The following GRM8 variants were observed in gnomAD, a reference collection of about 807,000 sequenced individuals.
GRM8 encodes the protein glutamate metabotropic receptor 8.
A neutral mutation model predicts 87.2 loss-of-function variants in GRM8; 47 were observed. The ratio of observed to expected loss-of-function variants is 0.54; its 90% CI spans 0.43 to 0.69. The LOEUF (loss-of-function observed/expected upper bound fraction) is 0.69, where lower values mean the gene tolerates loss of function less well. Among genes scored for constraint, GRM8 ranks in the 30% least tolerant of loss-of-function variants. GRM8 has a pLI of 0.00. For missense variants in GRM8, 1,019 were observed against 1,139.2 expected, an observed-to-expected ratio of 0.89 and a Z score of 1.52; for synonymous variants, 396 against 404.5, an observed-to-expected ratio of 0.98 and a Z score of 0.25.
At chr7:126,768,149 T>C (rs762565416) in intron 7 of GRM8, among the ~76,000 whole-genome samples, 5 of 152,026 alleles carry the variant, frequency 3.3e-5, no homozygotes, top group Non-Finnish European at 7.4e-5. Context: ...ATGTCCACTA[T>C]TATAAACTCT....
intron 2 of GRM8, among the ~76,000 whole-genome samples, chr7:127,201,056 T>A (rs1795559761): frequency 6.6e-6 from 1 of 152,224 alleles, no homozygotes; most frequent in African/African-American, 2.4e-5. Flanking sequence ...GTTGATATTG[T>A]GCTTTATATT....
intron 6 of GRM8, among the ~76,000 whole-genome samples, chr7:126,799,118 G>A (rs1445206049): frequency 2.6e-5 from 4 of 152,056 alleles, no homozygotes; most frequent in Non-Finnish European, 5.9e-5. Context: ...CTTGCTGCCC[G>A]AAGTGTGATC....
chr7:127,172,657 G>A (rs990250523), intron 2 of GRM8, among the ~76,000 whole-genome samples: 34 of 150,788 alleles, frequency 2.3e-4, no homozygotes, highest in Middle Eastern at 3.2e-3. Context: ...GCAGTGAGCC[G>A]AGATCATGCC....
intron 9 of GRM8, among the ~76,000 whole-genome samples, chr7:126,484,033 T>C (rs1354962894): frequency 1.3e-5 from 2 of 152,072 alleles, no homozygotes; most frequent in Non-Finnish European, 2.9e-5. Flanking sequence ...TGCTTCATAA[T>C]AATTACCCTA....
rs562445974 is a variant in GRM8 at position 126,799,994 on chromosome 7, T to C, written c.1157-29929A>G. Among the ~76,000 whole-genome samples the C allele has an allele frequency of 5.3e-5, 8 of 152,204 alleles. No homozygotes were observed. In the South Asian group the frequency reaches 1.2e-3, roughly 24 times the overall value. On this transcript the variant is annotated intron_variant, in intron 6 of 10. Coordinates refer to ENST00000339582, the MANE Select transcript of GRM8 (RefSeq NM_000845.3). ...AAGGAGCTGATGAGTTCCAATTACCTTTTCAGAAGATAGTTAGAATAGGAA... is the reference window on the plus strand; with the variant it reads ...AAGGAGCTGATGAGTTCCAATTACCCTTTCAGAAGATAGTTAGAATAGGAA...
chr7:126,593,950 T>A (rs1391611354), intron 8 of GRM8, among the ~76,000 whole-genome samples: 1 of 152,012 alleles, frequency 6.6e-6, no homozygotes, highest in Non-Finnish European at 1.5e-5. Context: ...GAATAGATGC[T>A]TTTCAAAAGA....
At chr7:126,608,218 G>A (rs1451497563) in intron 8 of GRM8, among the ~76,000 whole-genome samples, 1 of 151,308 alleles carries the variant, frequency 6.6e-6, no homozygotes, top group Non-Finnish European at 1.5e-5. Flanking sequence ...TCCTGTTCCA[G>A]AGCCCCTTAG....
chr7:126,685,775 G>T lies in GRM8; in HGVS notation c.1358-76277C>A, dbSNP rs1174213334. Among the ~76,000 whole-genome samples, 1 of 152,034 alleles carries T rather than the reference G, an allele frequency of 6.6e-6. No homozygotes were observed. Among genetic ancestry groups the T allele is most frequent in the African/African-American group, 2.4e-5 (1 of 41,422 alleles). On this transcript the variant is annotated intron_variant, in intron 7 of 10. Coordinates refer to ENST00000339582, the MANE Select transcript of GRM8 (RefSeq NM_000845.3). This position sits in a 1 kb window ranked among gnomAD's most constrained non-coding sequence, Gnocchi z 4.2. ...GCCCCTTGGCATGAACGGTCTGGGT[G>T]CGATGAATGGTGACAGGCGGCAGAC...
chr7:126,977,824 G>C (rs984814171), intron 3 of GRM8, among the ~76,000 whole-genome samples: 6 of 152,184 alleles, frequency 3.9e-5, no homozygotes, highest in Non-Finnish European at 1.5e-5. Flanking sequence ...TTGTAGAAGG[G>C]AGAGTGGCCA....
chr7:126,957,201 T>G (rs1808789687), intron 3 of GRM8, among the ~76,000 whole-genome samples: 1 of 152,004 alleles, frequency 6.6e-6, no homozygotes, highest in Admixed American at 6.6e-5. Flanking sequence ...AAAAAAAAAT[T>G]AATAAGCACT....
intron 9 of GRM8, among the ~76,000 whole-genome samples, chr7:126,449,994 T>G (rs1386930975): frequency 6.6e-6 from 1 of 151,758 alleles, no homozygotes; most frequent in Non-Finnish European, 1.5e-5. Flanking sequence ...CTGAAGCAGA[T>G]TTAAGCAATC....
intron 3 of GRM8, among the ~76,000 whole-genome samples, chr7:127,073,325 G>A (rs2132700063): frequency 6.6e-6 from 1 of 152,298 alleles, no homozygotes; most frequent in Admixed American, 6.5e-5. Context: ...TGCAAAGGGG[G>A]CAGATGAGTA....
At chr7:126,517,485 G>A (rs1376187539) in intron 9 of GRM8, among the ~76,000 whole-genome samples, 2 of 151,994 alleles carry the variant, frequency 1.3e-5, no homozygotes, top group African/African-American at 2.4e-5. Context: ...CACAATTTGT[G>A]TCAAGCATCC....
intron 9 of GRM8, among the ~76,000 whole-genome samples, chr7:126,458,068 A>G (rs1294192382): frequency 6.6e-6 from 1 of 150,876 alleles, no homozygotes; most frequent in Non-Finnish European, 1.5e-5. Flanking sequence ...AGCAACTTAG[A>G]AAAAAATGAA....
chr7:127,176,931 G>C (rs1490795007), intron 2 of GRM8, among the ~76,000 whole-genome samples: 2 of 152,184 alleles, frequency 1.3e-5, no homozygotes, highest in African/African-American at 4.8e-5. Flanking sequence ...AGGAGCAGGG[G>C]ATAAACTCCA....
chr7:127,122,584 G>GC (rs1360931767), intron 2 of GRM8, among the ~76,000 whole-genome samples: 44 of 77,604 alleles, frequency 5.7e-4, no homozygotes, highest in African/African-American at 4.1e-3. Context: ...CTTTTTGGAT[G>GC]CCCTTTAATT....
At chr7:126,670,787 T>C (rs966120851) in intron 7 of GRM8, among the ~76,000 whole-genome samples, 1 of 152,200 alleles carries the variant, frequency 6.6e-6, no homozygotes, top group Admixed American at 6.5e-5. Context: ...GCTTGGAATA[T>C]TGATGATCCT....
chr7:126,834,847 C>T (rs1275031479), intron 6 of GRM8, among the ~76,000 whole-genome samples: 1 of 151,982 alleles, frequency 6.6e-6, no homozygotes, highest in Non-Finnish European at 1.5e-5. Context: ...ACTGTAATCC[C>T]AGCACGTTGG....
rs76330826 is a variant in GRM8, at chr7:126,453,512, G to A, written c.2431-7140C>T. ...CTGAACCCTTAACCTTGGAATGATT[G>A]GGAGAGGTGGAAACTAGCTAAAGAG... On this transcript the variant is annotated intron_variant, in intron 9 of 10. Transcript: ENST00000339582. Among the ~76,000 whole-genome samples the A allele has an allele frequency of 4.6e-5, 7 of 151,764 alleles. No homozygotes were observed. In the East Asian group the frequency reaches 1.4e-3, roughly 30 times the overall value.
Sources: gnomAD v4.1 joint callset for allele counts (sites outside exome capture counted in the v4.1 genomes callset) on GRCh38, gnomAD v4.1.1 for gene constraint, Gnocchi (gnomAD v3.1) non-coding constraint, MANE v1.5 for transcripts, NCBI Gene and HGNC (gene_info 2026-07-23, HGNC 2026-07-21) for gene names.